NEGR1: variants seen among roughly 807,000 people sequenced by gnomAD.
NEGR1 encodes the protein neuronal growth regulator 1.
In NEGR1, 10 loss-of-function variants were observed where a neutral mutation model predicts 40.9. That is an observed-to-expected ratio of 0.24 (90% CI 0.15 to 0.42). NEGR1 has a LOEUF of 0.42. Ranked by LOEUF, NEGR1 falls within the 10% of genes least tolerant of loss-of-function variation. The pLI, the probability that NEGR1 is intolerant of heterozygous loss-of-function variation, is 1.00. For synonymous variants in NEGR1, 185 were observed against 166.8 expected (o/e 1.11, Z -0.84); for missense variants, 352 against 438.9 (o/e 0.80, Z 1.77).
chr1:71,848,343 T>C (rs1297252403), intron 2 of NEGR1, among the ~76,000 whole-genome samples: 1 of 152,198 alleles, frequency 6.6e-6, no homozygotes, highest in Non-Finnish European at 1.5e-5. Context: ...TATTGGAAGA[T>C]GTCATCTAGG....
chr1:71,949,757 A>T (rs1646052646), intron 1 of NEGR1, among the ~76,000 whole-genome samples: 2 of 152,128 alleles, frequency 1.3e-5, no homozygotes, highest in African/African-American at 4.8e-5. Context: ...AACAAATGGA[A>T]CTGCCCACTG....
intron 3 of NEGR1, among the ~76,000 whole-genome samples, chr1:71,766,339 C>T (rs1656131267): frequency 6.6e-6 from 1 of 152,138 alleles, no homozygotes; most frequent in Non-Finnish European, 1.5e-5. Flanking sequence ...AGAAAAAGAA[C>T]ATAAATTGAG....
At chr1:72,247,043 G>A (rs1156507961) in intron 1 of NEGR1, among the ~76,000 whole-genome samples, 1 of 152,218 alleles carries the variant, frequency 6.6e-6, no homozygotes, top group Non-Finnish European at 1.5e-5. Context: ...AGGATGTAGG[G>A]AGCAGTGTCT....
At chr1:72,149,426 A>G (rs1209448974) in intron 1 of NEGR1, among the ~76,000 whole-genome samples, 1 of 152,196 alleles carries the variant, frequency 6.6e-6, no homozygotes, top group Non-Finnish European at 1.5e-5. Context: ...CTGAAATTGT[A>G]AAGCAGACGA....
intron 1 of NEGR1, among the ~76,000 whole-genome samples, chr1:72,003,289 G>A (rs552487001): frequency 4.0e-5 from 6 of 151,208 alleles, no homozygotes; most frequent in African/African-American, 7.3e-5. Context: ...TGACTTTTAC[G>A]GCTTTGTAAA....
intron 1 of NEGR1, among the ~76,000 whole-genome samples, chr1:72,075,361 C>T (rs1647680368): frequency 6.6e-6 from 1 of 152,070 alleles, no homozygotes; most frequent in Non-Finnish European, 1.5e-5. Context: ...GAGGTAGAGT[C>T]CTTTTACTCT....
At chr1:71,433,894 CAG>C (rs1015561018) in intron 6 of NEGR1, among the ~76,000 whole-genome samples, 10 of 152,120 alleles carry the variant, frequency 6.6e-5, no homozygotes, top group African/African-American at 9.7e-5. Flanking sequence ...TGTAAACAAA[CAG>C]AAACAATTGG....
chr1:71,474,731 AAAAAAAAC>A (rs1557538931), intron 6 of NEGR1, among the ~76,000 whole-genome samples: 58 of 148,794 alleles, frequency 3.9e-4, no homozygotes, highest in African/African-American at 5.7e-4. Flanking sequence ...AAAAAAAAAA[AAAAAAAAC>A]AAAAAAACAA....
At chr1:71,787,109 C>A (rs1197993103) in intron 2 of NEGR1, among the ~76,000 whole-genome samples, 2 of 152,146 alleles carry the variant, frequency 1.3e-5, no homozygotes, top group Non-Finnish European at 2.9e-5. Context: ...CCTCAAATAT[C>A]CTATCTAAAT....
At chr1:71,905,968 C>A (rs75712664) in intron 2 of NEGR1, among the ~76,000 whole-genome samples, 2,464 of 152,020 alleles carry the variant, frequency 0.016, 32 homozygotes, top group Admixed American at 0.031. Flanking sequence ...TTAAGCTTAG[C>A]CAACCAGAAA....
At chr1:72,105,767 A>T (rs1649111751) in intron 1 of NEGR1, among the ~76,000 whole-genome samples, 1 of 151,970 alleles carries the variant, frequency 6.6e-6, no homozygotes, top group African/African-American at 2.4e-5. Flanking sequence ...GGAAGGAGGA[A>T]AGATGGAGAC....
At chr1:71,581,883 T>G (rs532281668) in intron 6 of NEGR1, among the ~76,000 whole-genome samples, 1 of 152,074 alleles carries the variant, frequency 6.6e-6, no homozygotes, top group Non-Finnish European at 1.5e-5. Context: ...TGTGTATTTT[T>G]TGTAGAGATG....
chr1:72,209,794 T>C (rs1157739502), intron 1 of NEGR1, among the ~76,000 whole-genome samples: 2 of 151,860 alleles, frequency 1.3e-5, no homozygotes, highest in Admixed American at 6.6e-5. Flanking sequence ...CGGACAACTA[T>C]GGTACTAACT....
At chr1:72,217,242 G>A (rs1035168882) in intron 1 of NEGR1, among the ~76,000 whole-genome samples, 1 of 151,708 alleles carries the variant, frequency 6.6e-6, no homozygotes, top group Admixed American at 6.6e-5. Flanking sequence ...ATTGTTAGGT[G>A]AAATATCAGA....
intron 2 of NEGR1, among the ~76,000 whole-genome samples, chr1:71,807,723 A>T (rs1657829340): frequency 6.6e-6 from 1 of 152,214 alleles, no homozygotes; most frequent in Non-Finnish European, 1.5e-5. Flanking sequence ...GGACAAATCC[A>T]GTAAGCAGTT....
chr1:71,443,803 T>C (rs1399937490), intron 6 of NEGR1, among the ~76,000 whole-genome samples: 1 of 152,208 alleles, frequency 6.6e-6, no homozygotes, highest in Non-Finnish European at 1.5e-5. Flanking sequence ...GCTCATTTGA[T>C]TTTTACAGTT....
intron 6 of NEGR1, among the ~76,000 whole-genome samples, chr1:71,531,177 T>C (rs766251620): frequency 3.3e-5 from 5 of 151,316 alleles, no homozygotes; most frequent in Non-Finnish European, 7.4e-5. Flanking sequence ...TCACTATACC[T>C]ATTCCCAATA....
chr1:72,161,442 C>T (rs1651555569), intron 1 of NEGR1, among the ~76,000 whole-genome samples: 2 of 151,900 alleles, frequency 1.3e-5, no homozygotes, highest in East Asian at 2.0e-4. Context: ...CTGGAGGCAT[C>T]GTTGATTGCC....
chr1:71,725,657 C>G (rs1654645912), intron 3 of NEGR1, among the ~76,000 whole-genome samples: 1 of 152,106 alleles, frequency 6.6e-6, no homozygotes, highest in Non-Finnish European at 1.5e-5. Context: ...TTCCAGAATG[C>G]ATCCTCACGA....
Sources: gnomAD v4.1 joint callset for allele counts (sites outside exome capture counted in the v4.1 genomes callset) on GRCh38, gnomAD v4.1.1 for gene constraint, MANE v1.5 for transcripts, NCBI Gene and HGNC (gene_info 2026-07-23, HGNC 2026-07-21) for gene names.